Variants in VTI1A observed in about 807,000 individuals in gnomAD.
VTI1A encodes the protein vesicle transport through interaction with t-SNAREs 1A.
Under a neutral mutation model 34.9 loss-of-function variants are expected in VTI1A, and 22 were observed. The ratio of observed to expected loss-of-function variants is 0.63; its 90% confidence interval spans 0.45 to 0.90. The LOEUF is 0.90. Ranked by LOEUF, VTI1A falls within the 40% of genes least tolerant of loss-of-function variation. The probability of loss-of-function intolerance (pLI) is 0.00; values close to 1 mark genes in which losing one functional copy is unlikely to be tolerated. For missense variants in VTI1A, 268 were observed against 275.6 expected (o/e 0.97, Z 0.20); for synonymous variants, 87 against 97.3 (o/e 0.89, Z 0.62).
chr10:112,647,925 G>A (rs1159869015), intron 5 of VTI1A, among the ~76,000 whole-genome samples: 4 of 151,930 alleles, frequency 2.6e-5, no homozygotes, highest in African/African-American at 9.7e-5. Flanking sequence ...ACATGCCACC[G>A]CACCCAGCTA....
At chr10:112,783,209 A>G (rs1449657300) in intron 7 of VTI1A, among the ~76,000 whole-genome samples, 1 of 152,214 alleles carries the variant, frequency 6.6e-6, no homozygotes, top group African/African-American at 2.4e-5. Flanking sequence ...CCAATGTACA[A>G]TGAGTGGAAT....
At chr10:112,697,859 C>T (rs914427516) in intron 7 of VTI1A, among the ~76,000 whole-genome samples, 3 of 133,086 alleles carry the variant, frequency 2.3e-5, no homozygotes, top group African/African-American at 9.5e-5. Context: ...TCTGTATTAG[C>T]ATTTACATGT....
intron 5 of VTI1A, among the ~76,000 whole-genome samples, chr10:112,546,494 G>A (rs1471988666): frequency 6.6e-6 from 1 of 152,106 alleles, no homozygotes; most frequent in Non-Finnish European, 1.5e-5. Flanking sequence ...TGGTGGCACT[G>A]GGATGGTCTT....
At chr10:112,480,040 C>G (rs1402671496) in intron 3 of VTI1A, among the ~76,000 whole-genome samples, 1 of 152,032 alleles carries the variant, frequency 6.6e-6, no homozygotes, top group Non-Finnish European at 1.5e-5. Context: ...GCGTACATAC[C>G]TAAAGACAGC....
At chr10:112,460,426 A>G (rs1263387784) in intron 1 of VTI1A, 98 bp from the exon 2 acceptor site, 1 of 1,088,902 alleles carries the variant, frequency 9.2e-7, no homozygotes, top group East Asian at 2.7e-5. Context: ...CTGTAATCTG[A>G]TTGACCAGAA....
chr10:112,534,106 T>C (rs1850540997), intron 4 of VTI1A, among the ~76,000 whole-genome samples: 2 of 152,154 alleles, frequency 1.3e-5, no homozygotes, highest in Non-Finnish European at 2.9e-5. Context: ...GCTTTCGTCA[T>C]TGTTAAACAC....
chr10:112,712,533 T>C (rs1266073552), intron 7 of VTI1A, among the ~76,000 whole-genome samples: 1 of 151,190 alleles, frequency 6.6e-6, no homozygotes, highest in African/African-American at 2.4e-5. Flanking sequence ...TAAATCTAGT[T>C]AAACGTTTAC....
intron 3 of VTI1A, among the ~76,000 whole-genome samples, chr10:112,518,562 TCTCTCTCTCTC>T (rs1849873459): frequency 1.0e-5 from 1 of 95,288 alleles, no homozygotes; most frequent in Admixed American, 1.0e-4. Context: ...TCTCTCTCTC[TCTCTCTCTCTC>T]TCTCTCTCTC....
intron 5 of VTI1A, among the ~76,000 whole-genome samples, chr10:112,608,834 C>T (rs959270514): frequency 6.6e-6 from 1 of 152,136 alleles, no homozygotes; most frequent in African/African-American, 2.4e-5. Context: ...TCTTATTCTA[C>T]TCTTTCCATA....
At chr10:112,778,142 T>A (rs1852008057) in intron 7 of VTI1A, among the ~76,000 whole-genome samples, 1 of 152,094 alleles carries the variant, frequency 6.6e-6, no homozygotes, top group Admixed American at 6.6e-5. Flanking sequence ...GATAGCAAGT[T>A]CCGTAATAGC....
chr10:112,491,410 A>C (rs1008980868), intron 3 of VTI1A, among the ~76,000 whole-genome samples: 22 of 152,176 alleles, frequency 1.4e-4, no homozygotes, highest in African/African-American at 4.8e-5. Context: ...TATCTGTAAG[A>C]TGAAGAGATT....
At chr10:112,633,172 A>C (rs180685836) in intron 5 of VTI1A, among the ~76,000 whole-genome samples, 2 of 152,278 alleles carry the variant, frequency 1.3e-5, no homozygotes, top group East Asian at 3.9e-4. Context: ...GAAGGAGAGG[A>C]GAGGTCTGAT....
At chr10:112,452,638 A>T (rs756855283) in intron 1 of VTI1A, among the ~76,000 whole-genome samples, 17 of 151,834 alleles carry the variant, frequency 1.1e-4, no homozygotes, top group Non-Finnish European at 2.4e-4. Flanking sequence ...CATATAAACA[A>T]TTGTGTGTGT....
At chr10:112,769,313 G>A (rs1464444300) in intron 7 of VTI1A, among the ~76,000 whole-genome samples, 2 of 152,210 alleles carry the variant, frequency 1.3e-5, no homozygotes, top group Non-Finnish European at 2.9e-5. Context: ...ACTAGACAGT[G>A]AGCCCTTCCT....
At chr10:112,710,811 G>A (rs1849386795) in intron 7 of VTI1A, among the ~76,000 whole-genome samples, 1 of 151,968 alleles carries the variant, frequency 6.6e-6, no homozygotes, top group Admixed American at 6.6e-5. Context: ...ATCTGTGTGT[G>A]TGTGTGTATG....
At chr10:112,627,824 A>G (rs1845981119) in intron 5 of VTI1A, among the ~76,000 whole-genome samples, 1 of 152,166 alleles carries the variant, frequency 6.6e-6, no homozygotes, top group Non-Finnish European at 1.5e-5. Flanking sequence ...TATATCAATA[A>G]AAATGTGATA....
At chr10:112,794,115 T>G (rs1311534515) in intron 7 of VTI1A, among the ~76,000 whole-genome samples, 1 of 152,176 alleles carries the variant, frequency 6.6e-6, no homozygotes, top group Non-Finnish European at 1.5e-5. Flanking sequence ...AAGGTGATGT[T>G]TTTGTACTGT....
Position 112,665,650 on chromosome 10 carries a change from C to T in VTI1A, c.428-2568C>T, listed in dbSNP as rs191062682. On this transcript the variant is annotated intron_variant, in intron 5 of 7. Transcript: ENST00000393077. ...GTTTGTTGATTCCTTCAGTAGCAGA[C>T]TGTAGGTCCACTCAGAGTAGAGTTT... Among the ~76,000 whole-genome samples the T allele has an allele frequency of 3.6e-3, 543 of 152,220 alleles. 5 individuals carry two copies. The highest frequency in any genetic ancestry group is 6.8e-3 in the Middle Eastern group (2 of 294).
At chr10:112,748,974 C>G (rs1851009095) in intron 7 of VTI1A, among the ~76,000 whole-genome samples, 1 of 152,090 alleles carries the variant, frequency 6.6e-6, no homozygotes, top group Non-Finnish European at 1.5e-5. Flanking sequence ...TTATCAAAAC[C>G]TTGGAGTTAC....
Sources: gnomAD v4.1 joint callset for allele counts (sites outside exome capture counted in the v4.1 genomes callset) on GRCh38, gnomAD v4.1.1 for gene constraint, MANE v1.5 for transcripts, NCBI Gene and HGNC (gene_info 2026-07-23, HGNC 2026-07-21) for gene names.